CSMD3: variants seen among roughly 807,000 people sequenced by gnomAD.
CSMD3 encodes CUB and sushi domain-containing protein 3.
CSMD3 carries 177 observed loss-of-function variants against 435.2 expected under a neutral mutation model. That is an observed-to-expected ratio of 0.41 (90% confidence interval 0.36 to 0.46). The LOEUF (loss-of-function observed/expected upper bound fraction) is 0.46. Ranked by LOEUF, CSMD3 falls within the 20% of genes least tolerant of loss-of-function variation. CSMD3 has a pLI of 0.34. For missense variants in CSMD3, 4,265 were observed against 4,504.6 expected, an observed-to-expected ratio of 0.95 and a Z score of 1.52; for synonymous variants, 1,656 against 1,520.5, an observed-to-expected ratio of 1.09 and a Z score of -2.07.
At chr8:113,271,323 G>A (rs1017265082) in intron 3 of CSMD3, among the ~76,000 whole-genome samples, 1 of 152,088 alleles carries the variant, frequency 6.6e-6, no homozygotes, top group Admixed American at 6.6e-5. Flanking sequence ...GGTCTTTATG[G>A]CAGCCCGTCC....
intron 1 of CSMD3, among the ~76,000 whole-genome samples, chr8:113,357,111 A>T (rs966075662): frequency 2.0e-5 from 3 of 152,212 alleles, no homozygotes; most frequent in Non-Finnish European, 4.4e-5. Context: ...GCCAAAAGCA[A>T]ATTATTAAAC....
chr8:113,023,687 G>A (rs536219768), intron 5 of CSMD3, among the ~76,000 whole-genome samples: 3 of 152,060 alleles, frequency 2.0e-5, no homozygotes, highest in South Asian at 4.1e-4. Context: ...TCTTTCTCAG[G>A]AAAACCAGAC....
intron 1 of CSMD3, among the ~76,000 whole-genome samples, chr8:113,418,871 C>T (rs990940336): frequency 6.6e-6 from 1 of 152,070 alleles, no homozygotes; most frequent in Non-Finnish European, 1.5e-5. Context: ...TAGAACTTTT[C>T]GGTTAATATT....
chr8:113,303,378 C>T (rs201453451), intron 2 of CSMD3, among the ~76,000 whole-genome samples: 15,597 of 150,846 alleles, frequency 0.1, 1,248 homozygotes, highest in African/African-American at 0.22. Flanking sequence ...ATCAAGCTAC[C>T]AATGACTTTC....
intron 2 of CSMD3, among the ~76,000 whole-genome samples, chr8:113,282,810 C>T (rs1036502398): frequency 1.3e-5 from 2 of 152,062 alleles, no homozygotes; most frequent in Non-Finnish European, 2.9e-5. Context: ...AATCTGGAGG[C>T]ATCACATTAC....
At chr8:112,676,943 A>G (rs1388685346) in intron 16 of CSMD3, among the ~76,000 whole-genome samples, 1 of 152,150 alleles carries the variant, frequency 6.6e-6, no homozygotes, top group Non-Finnish European at 1.5e-5. Context: ...TAACTCAGAG[A>G]GTAGCTGAGA....
intron 32 of CSMD3, among the ~76,000 whole-genome samples, chr8:112,412,376 C>T (rs189220374): frequency 2.0e-5 from 3 of 152,146 alleles, no homozygotes; most frequent in African/African-American, 7.2e-5. Flanking sequence ...TGGTCTGTTT[C>T]TTCATTTCCA....
chr8:113,374,132 T>C (rs959113782), intron 1 of CSMD3, among the ~76,000 whole-genome samples: 13 of 152,052 alleles, frequency 8.5e-5, no homozygotes, highest in African/African-American at 3.1e-4. Flanking sequence ...TACATTATAA[T>C]ATACTTATGT....
chr8:113,248,620 C>T (rs918623087), intron 3 of CSMD3, among the ~76,000 whole-genome samples: 3 of 149,164 alleles, frequency 2.0e-5, no homozygotes, highest in Non-Finnish European at 4.5e-5. Context: ...TTGACAAATG[C>T]CCTAGAGATA....
intron 1 of CSMD3, among the ~76,000 whole-genome samples, chr8:113,422,289 A>G (rs2094612444): frequency 6.6e-6 from 1 of 152,170 alleles, no homozygotes; most frequent in African/African-American, 2.4e-5. Context: ...AGGAAGGAAG[A>G]AAAGCTTTCC....
Position 112,954,694 on chromosome 8 carries a change from CTTG to C in CSMD3, c.1407_1409del (p.Asn469del). Reference sequence around the variant, plus strand: ...AAGAAGTACACTCACAGATAGAAAACTTGTTGCTGTTGTCTTTCCCTGGAAACA... The same window carrying C: ...AAGAAGTACACTCACAGATAGAAAACTTGCTGTTGTCTTTCCCTGGAAACA... On this transcript the variant is annotated inframe_deletion, in exon 8 of 71. Transcript: ENST00000297405. 6.3e-7 allele frequency: 1 copy of C among 1,598,272 alleles called. No individual in the cohort carries two copies. The highest frequency in any genetic ancestry group is 2.2e-5 in the East Asian group (1 of 44,568).
At chr8:113,121,693 T>A (rs1469448688) in intron 4 of CSMD3, among the ~76,000 whole-genome samples, 1 of 152,068 alleles carries the variant, frequency 6.6e-6, no homozygotes, top group Non-Finnish European at 1.5e-5. Flanking sequence ...GGTTAAAACA[T>A]AGAAAAAATA....
intron 14 of CSMD3, 126 bp from the exon 15 acceptor site, chr8:112,685,858 A>G: frequency 2.8e-6 from 2 of 701,808 alleles, no homozygotes; most frequent in South Asian, 1.9e-5. Context: ...TATGTAAATT[A>G]TAAAACAGAA....
chr8:113,127,043 T>A (rs1386671720), intron 4 of CSMD3, among the ~76,000 whole-genome samples: 1 of 152,026 alleles, frequency 6.6e-6, no homozygotes, highest in Admixed American at 6.6e-5. Flanking sequence ...TACTTAGGTG[T>A]TTACATAGCA....
chr8:113,299,975 G>A (rs1393822496), intron 2 of CSMD3, among the ~76,000 whole-genome samples: 1 of 150,558 alleles, frequency 6.6e-6, no homozygotes, highest in African/African-American at 2.5e-5. Flanking sequence ...CTGGGTGACA[G>A]AGCAAGCCTC....
intron 1 of CSMD3, among the ~76,000 whole-genome samples, chr8:113,409,117 T>G (rs2094546685): frequency 7.7e-6 from 1 of 129,106 alleles, no homozygotes; most frequent in African/African-American, 2.8e-5. Flanking sequence ...GGAGTCTCAC[T>G]CTGTCTCTCA....
intron 32 of CSMD3, among the ~76,000 whole-genome samples, chr8:112,440,224 C>G (rs1348077766): frequency 6.6e-6 from 1 of 152,184 alleles, no homozygotes; most frequent in East Asian, 1.9e-4. Flanking sequence ...GGACTACAGG[C>G]CCCATGCAAG....
Position 113,044,292 on chromosome 8 carries a change from C to T in CSMD3, c.918-25113G>A, listed in dbSNP as rs1360114874. On this transcript the variant is annotated intron_variant, in intron 5 of 70. Transcript: ENST00000297405. ...AAATAGCAAATTTTGTTTTCCTTCA[C>T]TTTTTCAATTTCAATTTTTAATAGG... Among the ~76,000 whole-genome samples, 2 of 127,230 alleles carry T rather than the reference C, an allele frequency of 1.6e-5. 1 individual carries two copies. Among genetic ancestry groups the T allele is most frequent in the Non-Finnish European group, 3.9e-5 (2 of 51,210 alleles). The allele number at this position is 127,230 out of a possible 152,430, so 83.5% of individuals were successfully genotyped here.
intron 56 of CSMD3, among the ~76,000 whole-genome samples, chr8:112,290,877 A>G (rs1379355890): frequency 6.6e-6 from 1 of 152,030 alleles, no homozygotes; most frequent in African/African-American, 2.4e-5. Flanking sequence ...ATGCCTTCAC[A>G]GAAGTTTGAT....
Sources: allele counts gnomAD v4.1 joint callset (sites outside exome capture counted in the v4.1 genomes callset), GRCh38; gene constraint gnomAD v4.1.1; transcripts MANE v1.5; gene names NCBI Gene and HGNC (gene_info 2026-07-23, HGNC 2026-07-21).